KCNN2: variants seen among roughly 807,000 people sequenced by gnomAD.
The protein encoded by KCNN2 is small conductance calcium-activated potassium channel protein 2.
KCNN2 carries 24 observed loss-of-function variants against 55.5 expected under a neutral mutation model. The ratio of observed to expected loss-of-function variants is 0.43; its 90% confidence interval spans 0.31 to 0.61. The LOEUF is 0.61. KCNN2 is among the 20% of genes least tolerant of loss of function. The pLI is 0.08. For synonymous variants in KCNN2, 431 were observed against 336.1 expected (o/e 1.28, Z -3.09); for missense variants, 754 against 853.6 (o/e 0.88, Z 1.45).
chr5:114,225,484 A>G (rs1754221996), intron 2 of KCNN2, among the ~76,000 whole-genome samples: 1 of 152,222 alleles, frequency 6.6e-6, no homozygotes, highest in South Asian at 2.1e-4. Flanking sequence ...AACACCAATT[A>G]CAAGTCACCA....
chr5:114,471,238 G>A (rs373240583), intron 4 of KCNN2, among the ~76,000 whole-genome samples: 2 of 152,044 alleles, frequency 1.3e-5, no homozygotes, highest in African/African-American at 2.4e-5. Flanking sequence ...CAAAATTCAC[G>A]GATGCTCAAG....
chr5:114,188,416 A>G (rs1753382803), intron 1 of KCNN2, among the ~76,000 whole-genome samples: 1 of 152,208 alleles, frequency 6.6e-6, no homozygotes, highest in South Asian at 2.1e-4. Context: ...CTGTGTCTCA[A>G]AAAGCTAGGG....
Position 114,388,725 on chromosome 5 carries a change from A to T in KCNN2, c.1219-15713A>T, listed in dbSNP as rs185465855. Among the ~76,000 whole-genome samples the T allele has an allele frequency of 1.8e-3, 279 of 152,196 alleles. 3 individuals carry two copies. Among genetic ancestry groups the T allele is most frequent in the African/African-American group, 5.3e-3 (222 of 41,514 alleles). On this transcript the variant is annotated intron_variant, in intron 2 of 7. Coordinates refer to ENST00000673685, the MANE Select transcript of KCNN2 (RefSeq NM_021614.4). ...AAATGTCTTTCACCCTTTCCCCCTGAGAAATAGTTAGTTCTGTATAGTCTT... is the reference window on the plus strand; with the variant it reads ...AAATGTCTTTCACCCTTTCCCCCTGTGAAATAGTTAGTTCTGTATAGTCTT...
chr5:114,454,444 G>T (rs114649912), intron 3 of KCNN2, among the ~76,000 whole-genome samples: 1 of 152,158 alleles, frequency 6.6e-6, no homozygotes, highest in Admixed American at 6.5e-5. Flanking sequence ...TCACTGTGGG[G>T]TGATAGTTGA....
chr5:114,069,340 A>T (rs931809536), intron 1 of KCNN2, among the ~76,000 whole-genome samples: 1 of 124,400 alleles, frequency 8.0e-6, no homozygotes, highest in Non-Finnish European at 1.7e-5. Context: ...AAAAAATAGC[A>T]TGCATCCTTT....
At chr5:114,463,817 C>T (rs865935393) in intron 4 of KCNN2, among the ~76,000 whole-genome samples, 3 of 152,112 alleles carry the variant, frequency 2.0e-5, no homozygotes, top group South Asian at 2.1e-4. Flanking sequence ...ATGGGATCTA[C>T]TCAGAGAAAT....
At chr5:114,201,392 C>T (rs946981468) in intron 1 of KCNN2, among the ~76,000 whole-genome samples, 5 of 151,946 alleles carry the variant, frequency 3.3e-5, no homozygotes, top group Non-Finnish European at 7.4e-5. Flanking sequence ...CAGTGTTAAG[C>T]TCTCAAAATG....
intron 1 of KCNN2, among the ~76,000 whole-genome samples, chr5:114,193,489 A>C (rs76398521): frequency 1.3e-5 from 2 of 152,176 alleles, no homozygotes. Context: ...GTGTTCCAAC[A>C]TAACAAGGCA....
intron 1 of KCNN2, among the ~76,000 whole-genome samples, chr5:114,172,190 A>G (rs1206613298): frequency 2.0e-5 from 3 of 151,970 alleles, no homozygotes; most frequent in Non-Finnish European, 2.9e-5. Flanking sequence ...TTACACCACA[A>G]AGTGAACTAC....
intron 1 of KCNN2, among the ~76,000 whole-genome samples, chr5:114,129,977 C>G (rs972758077): frequency 6.6e-6 from 1 of 152,202 alleles, no homozygotes; most frequent in African/African-American, 2.4e-5. Context: ...CATCTCTACT[C>G]TTGTTTCTAA....
chr5:114,103,402 T>G (rs1297754836), intron 1 of KCNN2, among the ~76,000 whole-genome samples: 4 of 152,176 alleles, frequency 2.6e-5, no homozygotes. Flanking sequence ...GTCTTCCTAT[T>G]TGAATACTCT....
chr5:114,079,907 T>C (rs941095336), intron 1 of KCNN2, among the ~76,000 whole-genome samples: 1 of 151,314 alleles, frequency 6.6e-6, no homozygotes. Context: ...GAAAGAATAA[T>C]AGGAACTTCA....
chr5:114,072,109 A>G (rs1036094524), intron 1 of KCNN2, among the ~76,000 whole-genome samples: 2 of 152,196 alleles, frequency 1.3e-5, no homozygotes, highest in Non-Finnish European at 2.9e-5. Flanking sequence ...CCTGACCAAC[A>G]TGGAGAAACC....
chr5:114,422,795 T>C (rs918910535), intron 3 of KCNN2, among the ~76,000 whole-genome samples: 2 of 152,194 alleles, frequency 1.3e-5, no homozygotes, highest in Non-Finnish European at 2.9e-5. Flanking sequence ...CGTCAGAGAC[T>C]CATAGATGAC....
chr5:114,301,254 T>A (rs1164851213), intron 2 of KCNN2, among the ~76,000 whole-genome samples: 1 of 152,162 alleles, frequency 6.6e-6, no homozygotes, highest in Non-Finnish European at 1.5e-5. Flanking sequence ...TGTCTTTGTA[T>A]CCTTTTCTGT....
At chr5:114,190,348 A>G (rs2112562269) in intron 1 of KCNN2, among the ~76,000 whole-genome samples, 1 of 152,324 alleles carries the variant, frequency 6.6e-6, no homozygotes, top group Non-Finnish European at 1.5e-5. Context: ...ATGAGTAGAT[A>G]AATAAGGGGA....
At chr5:114,229,766 G>C (rs1001396502) in intron 2 of KCNN2, among the ~76,000 whole-genome samples, 3 of 151,886 alleles carry the variant, frequency 2.0e-5, no homozygotes, top group African/African-American at 7.3e-5. Flanking sequence ...GTACTAATAA[G>C]AAAAACAAGC....
At chr5:114,488,510 A>G (rs974774772) in intron 6 of KCNN2, among the ~76,000 whole-genome samples, 16 of 152,256 alleles carry the variant, frequency 1.1e-4, no homozygotes, top group Middle Eastern at 3.4e-3. Flanking sequence ...ACAAGAGGGA[A>G]CTTGCTCCCT....
At chr5:114,079,844 T>TGTGTGTGA (rs760369459) in intron 1 of KCNN2, among the ~76,000 whole-genome samples, 9 of 149,446 alleles carry the variant, frequency 6.0e-5, no homozygotes, top group African/African-American at 1.2e-4. Flanking sequence ...TGTGTGTGTG[T>TGTGTGTGA]GAGAGAGAGA....
Sources: gnomAD v4.1 joint callset for allele counts (sites outside exome capture counted in the v4.1 genomes callset) on GRCh38, gnomAD v4.1.1 for gene constraint, MANE v1.5 for transcripts, NCBI Gene and HGNC (gene_info 2026-07-23, HGNC 2026-07-21) for gene names.